AHCYL2: variants seen among roughly 807,000 people sequenced by gnomAD.
The protein encoded by AHCYL2 is adenosylhomocysteinase like 2.
AHCYL2 carries 28 observed loss-of-function variants against 81.4 expected under a neutral mutation model. That is an observed-to-expected ratio of 0.34 (90% CI 0.25 to 0.47). The LOEUF is 0.47. Ranked by LOEUF, AHCYL2 falls within the 20% of genes least tolerant of loss-of-function variation. The pLI is 1.00. For missense variants in AHCYL2, 551 were observed against 785.1 expected (o/e 0.70, Z 3.56); for synonymous variants, 272 against 290.2 (o/e 0.94, Z 0.64).
chr7:129,292,741 T>G (rs1229398614), intron 1 of AHCYL2, among the ~76,000 whole-genome samples: 1 of 151,972 alleles, frequency 6.6e-6, no homozygotes, highest in East Asian at 1.9e-4. Context: ...TACTCCAGCC[T>G]GGGTGACAGA....
chr7:129,384,181 A>G (rs1408416259), intron 2 of AHCYL2, among the ~76,000 whole-genome samples: 3 of 151,172 alleles, frequency 2.0e-5, no homozygotes, highest in Non-Finnish European at 4.4e-5. Flanking sequence ...TTCTCTGTCA[A>G]ATTTTCCTCC....
intron 15 of AHCYL2, among the ~76,000 whole-genome samples, chr7:129,425,345 A>C (rs1023815471): frequency 2.6e-5 from 4 of 151,906 alleles, no homozygotes; most frequent in African/African-American, 9.7e-5. Flanking sequence ...TTGTGATATT[A>C]TGCTGTGATT....
At chr7:129,270,800 T>G (rs1020399084) in intron 1 of AHCYL2, among the ~76,000 whole-genome samples, 1 of 152,214 alleles carries the variant, frequency 6.6e-6, no homozygotes, top group Non-Finnish European at 1.5e-5. Context: ...TAGAGAAATG[T>G]CAAGGAAGTT....
chr7:129,257,176 G>GA (rs1222970128), intron 1 of AHCYL2, among the ~76,000 whole-genome samples: 1 of 152,144 alleles, frequency 6.6e-6, no homozygotes, highest in Admixed American at 6.5e-5. Flanking sequence ...CCTCAGATAG[G>GA]AATAGGAATG....
intron 1 of AHCYL2, among the ~76,000 whole-genome samples, chr7:129,246,671 A>AT (rs1419733211): frequency 1.3e-5 from 2 of 151,498 alleles, no homozygotes; most frequent in East Asian, 2.0e-4. Flanking sequence ...TAATTTTTGT[A>AT]TTTTTTGTAG....
At chr7:129,307,699 C>T (rs78989098) in intron 1 of AHCYL2, among the ~76,000 whole-genome samples, 4,703 of 151,784 alleles carry the variant, frequency 0.031, 90 homozygotes, top group Middle Eastern at 0.078. Flanking sequence ...CCAACACAGT[C>T]GTGAATTTGC....
intron 1 of AHCYL2, among the ~76,000 whole-genome samples, chr7:129,241,013 G>A (rs939259333): frequency 6.6e-6 from 1 of 152,056 alleles, no homozygotes; most frequent in African/African-American, 2.4e-5. Context: ...CATTAATGTG[G>A]GCAGGGGATG....
chr7:129,226,015 C>T (rs61039599), intron 1 of AHCYL2, among the ~76,000 whole-genome samples: 511 of 152,260 alleles, frequency 3.4e-3, no homozygotes, highest in African/African-American at 0.012. Context: ...TCTCTCTTCC[C>T]TGAATATGTA....
At chr7:129,413,404 G>A (rs1796691082) in intron 11 of AHCYL2, among the ~76,000 whole-genome samples, 190 bp from the exon 12 acceptor site, 1 of 151,848 alleles carries the variant, frequency 6.6e-6, no homozygotes, top group Non-Finnish European at 1.5e-5. Context: ...GCCTCCGAAA[G>A]TGCTGGAATT....
rs561306448 is a variant in AHCYL2 at position 129,317,750 on chromosome 7, T to C, written c.364-61888T>C. Among the ~76,000 whole-genome samples, 4 of 152,320 alleles carry C rather than the reference T, an allele frequency of 2.6e-5. No individual in the cohort carries two copies. The South Asian group carries it at 8.3e-4, about 32-fold the overall frequency. ...TTGAAGCAGATCTGAGCAACACATCTTCTTGGTTACTACACTTCCCTAGCA... is the reference window on the plus strand; with the variant it reads ...TTGAAGCAGATCTGAGCAACACATCCTCTTGGTTACTACACTTCCCTAGCA... On this transcript the variant is annotated intron_variant, in intron 1 of 16. Transcript: ENST00000325006.
chr7:129,305,241 C>A (rs1169810622), intron 1 of AHCYL2, among the ~76,000 whole-genome samples: 1 of 152,150 alleles, frequency 6.6e-6, no homozygotes, highest in Non-Finnish European at 1.5e-5. Context: ...GCGGGCAGAT[C>A]ACGAGGTCAA....
chr7:129,315,458 C>T (rs1797799497), intron 1 of AHCYL2, among the ~76,000 whole-genome samples: 1 of 152,160 alleles, frequency 6.6e-6, no homozygotes, highest in Non-Finnish European at 1.5e-5. Context: ...TGCCTTTGCT[C>T]TGGAATTTCT....
chr7:129,379,696 G>C lies in AHCYL2; in HGVS notation c.422G>C (p.Arg141Pro). 6.2e-7 allele frequency: 1 copy of C among 1,614,112 alleles called. No homozygotes were observed. Among genetic ancestry groups the C allele is most frequent in the Admixed American group, 1.7e-5 (1 of 60,020 alleles). The change falls in exon 2 of 17, where the codon CGT (arginine) becomes CCT (proline). Residue 141 changes from arginine (R) to proline (P), a missense_variant. By Grantham distance (103) the Arg-to-Pro change is moderately radical. Coordinates refer to ENST00000325006, the MANE Select transcript of AHCYL2 (RefSeq NM_015328.4). ...AACAAACGTCCCACCAAAATTGGAC[G>C]TCGCTCTTTGTCTCGTTCCATTTCT... ...EFNKRPTKIG[R>P]RSLSRSISQS...
intron 1 of AHCYL2, among the ~76,000 whole-genome samples, chr7:129,321,674 G>C (rs1156636819): frequency 6.6e-6 from 1 of 151,346 alleles, no homozygotes; most frequent in Non-Finnish European, 1.5e-5. Context: ...AAGCCTTGTA[G>C]GATGGGTTAG....
In AHCYL2 at chr7:129,308,356, A is replaced by C. The variant is rs1584767856; in HGVS notation, c.364-71282A>C. On this transcript the variant is annotated intron_variant, in intron 1 of 16. Transcript: ENST00000325006. ...CTGCTGAGTCCTGTCTGGTGTTGCCAGCACTGAGTTCCAATGCAAAGTTGC... is the reference window on the plus strand; with the variant it reads ...CTGCTGAGTCCTGTCTGGTGTTGCCCGCACTGAGTTCCAATGCAAAGTTGC... 4.6e-5 allele frequency among the ~76,000 whole-genome samples: 7 copies of C among 152,290 alleles called. 2 individuals carry two copies. The highest frequency in any genetic ancestry group is 4.6e-4 in the Admixed American group (7 of 15,292).
At position 129,419,937 on chromosome 7, in the gene AHCYL2, T is replaced by A. The variant is rs1797037154; in HGVS notation, c.1462-2903T>A. 6.6e-6 allele frequency among the ~76,000 whole-genome samples: 1 copy of A among 152,160 alleles called. No homozygotes were observed. Among genetic ancestry groups the A allele is most frequent in the Admixed American group, 6.5e-5 (1 of 15,274 alleles). On this transcript the variant is annotated intron_variant, in intron 12 of 16. Transcript: ENST00000325006. The surrounding 1 kb of genome is among the most constrained non-coding windows in gnomAD (Gnocchi z 4.7). The stretch of plus-strand genomic sequence containing the variant: ...ACAACTGGATGTTTTTAAGAGAGAT[T>A]CTTGTCAAGTTGTGCCAGCCGTAAG...
chr7:129,295,229 A>G (rs1797014037), intron 1 of AHCYL2, among the ~76,000 whole-genome samples: 1 of 152,240 alleles, frequency 6.6e-6, no homozygotes, highest in Non-Finnish European at 1.5e-5. Context: ...TCTCCGGGGA[A>G]TTGAAGCTGA....
At chr7:129,337,571 T>C (rs1263227284) in intron 1 of AHCYL2, among the ~76,000 whole-genome samples, 1 of 151,478 alleles carries the variant, frequency 6.6e-6, no homozygotes, top group Non-Finnish European at 1.5e-5. Context: ...GGCTAATTTT[T>C]GTATTTTAGC....
intron 1 of AHCYL2, among the ~76,000 whole-genome samples, chr7:129,282,433 G>A (rs945302753): frequency 6.6e-6 from 1 of 151,936 alleles, no homozygotes; most frequent in Non-Finnish European, 1.5e-5. Context: ...TTTACTTTGG[G>A]TAGTTTTTAT....
Sources: gnomAD v4.1 joint callset for allele counts (sites outside exome capture counted in the v4.1 genomes callset) on GRCh38, gnomAD v4.1.1 for gene constraint, Gnocchi (gnomAD v3.1) non-coding constraint, MANE v1.5 for transcripts, NCBI Gene and HGNC (gene_info 2026-07-23, HGNC 2026-07-21) for gene names.